Variants in EIF4G3 observed in about 807,000 individuals in gnomAD.
EIF4G3 encodes eIF-4-gamma 3.
EIF4G3 carries 34 observed loss-of-function variants against 186.4 expected under a neutral mutation model. The ratio of observed to expected loss-of-function variants is 0.18; its 90% CI spans 0.14 to 0.24. The LOEUF (loss-of-function observed/expected upper bound fraction) is 0.24, where lower values mean the gene tolerates loss of function less well. Among genes scored for constraint, EIF4G3 ranks in the 10% least tolerant of loss-of-function variants. The pLI is 1.00. For missense variants in EIF4G3, 1,536 were observed against 1,948.5 expected, an observed-to-expected ratio of 0.79 and a Z score of 3.99; for synonymous variants, 673 against 679.5, an observed-to-expected ratio of 0.99 and a Z score of 0.15.
chr1:21,084,595 A>G (rs1572290345), intron 3 of EIF4G3, among the ~76,000 whole-genome samples: 1 of 151,716 alleles, frequency 6.6e-6, no homozygotes, highest in African/African-American at 2.4e-5. Context: ...CTCAAATCCA[A>G]CCTCCCTCCA....
Position 21,117,736 on chromosome 1 carries a change from T to TAAAAAAAAAAAAAAAAAA in EIF4G3, c.-271-28541_-271-28524dup, listed in dbSNP as rs71014156. Reference sequence around the variant, plus strand: ...GGCCTTTCACTGTCCCAGTATATAGTAAAAAAAAAAAAAAAAAAAAAAAAA... The same window carrying TAAAAAAAAAAAAAAAAAA: ...GGCCTTTCACTGTCCCAGTATATAGTAAAAAAAAAAAAAAAAAAAAAAAAAAAAAAAAAAAAAAAAAAA... On this transcript the variant is annotated intron_variant, in intron 2 of 36. Transcript: ENST00000602326. Among the ~76,000 whole-genome samples, 95 of 73,072 alleles carry TAAAAAAAAAAAAAAAAAA rather than the reference T, an allele frequency of 1.3e-3. 2 individuals carry two copies. Among genetic ancestry groups the TAAAAAAAAAAAAAAAAAA allele is most frequent in the East Asian group, 1.7e-3 (3 of 1,754 alleles). 47.9% of individuals were successfully genotyped at this position (73,072 alleles called of 152,430 possible). A position where few individuals can be genotyped will look rare whatever the true frequency, so the allele number is the denominator to read the frequency against.
chr1:20,936,570 T>G (rs1168936991), intron 14 of EIF4G3, among the ~76,000 whole-genome samples: 1 of 152,234 alleles, frequency 6.6e-6, no homozygotes, highest in Admixed American at 6.5e-5. Context: ...TCAAATATAT[T>G]TTAGAATATG....
intron 7 of EIF4G3, among the ~76,000 whole-genome samples, chr1:20,983,180 C>A (rs2078674424): frequency 1.3e-5 from 2 of 152,024 alleles, no homozygotes; most frequent in Admixed American, 1.3e-4. Flanking sequence ...AGCCTTCCTA[C>A]CCCATGGCAA....
chr1:20,819,429 T>TA (rs1304602048), intron 33 of EIF4G3, among the ~76,000 whole-genome samples: 1 of 149,536 alleles, frequency 6.7e-6, no homozygotes, highest in African/African-American at 2.5e-5. Flanking sequence ...TTTTTTCTTT[T>TA]AAACTGAAGT....
intron 2 of EIF4G3, among the ~76,000 whole-genome samples, chr1:21,137,693 C>T (rs923907673): frequency 3.3e-5 from 5 of 151,452 alleles, no homozygotes. Flanking sequence ...TGGTGGTACA[C>T]ACTTGTACTC....
chr1:21,143,785 G>T (rs879377941), intron 2 of EIF4G3, among the ~76,000 whole-genome samples: 1 of 152,170 alleles, frequency 6.6e-6, no homozygotes, highest in Non-Finnish European at 1.5e-5. Context: ...ACCTGGGTGT[G>T]GTGGCATGTG....
At chr1:21,150,102 G>C (rs2097526730) in intron 2 of EIF4G3, among the ~76,000 whole-genome samples, 1 of 152,166 alleles carries the variant, frequency 6.6e-6, no homozygotes, top group African/African-American at 2.4e-5. Flanking sequence ...AGAATCCTGA[G>C]CCAGGACATT....
chr1:21,015,756 G>GA (rs71569803), intron 4 of EIF4G3, among the ~76,000 whole-genome samples: 115,349 of 132,144 alleles, frequency 0.87, 50,203 homozygotes, highest in Non-Finnish European at 0.9. Flanking sequence ...TGAAAGGAAA[G>GA]AAAAAAAAAA....
intron 18 of EIF4G3, among the ~76,000 whole-genome samples, chr1:20,889,485 A>G (rs1036830206): frequency 3.3e-5 from 5 of 152,142 alleles, no homozygotes; most frequent in Admixed American, 3.3e-4. Context: ...CACAACTGAT[A>G]AGTAATTTTA....
intron 2 of EIF4G3, among the ~76,000 whole-genome samples, chr1:21,134,890 A>G (rs1296793884): frequency 1.3e-5 from 2 of 150,880 alleles, no homozygotes; most frequent in Non-Finnish European, 3.0e-5. Flanking sequence ...TTTTTGTTTT[A>G]TTCTCTAACA....
rs534271599 is a variant in EIF4G3, at chr1:20,844,060, T to C, written c.3889-3032A>G. 2.6e-5 allele frequency among the ~76,000 whole-genome samples: 4 copies of C among 152,360 alleles called. No individual in the cohort carries two copies. In the South Asian group the frequency reaches 8.3e-4, roughly 32 times the overall value. On this transcript the variant is annotated intron_variant, in intron 29 of 36. Transcript: ENST00000602326. The stretch of plus-strand genomic sequence containing the variant: ...TTTTCTTTATCCACTCTATCGTTGA[T>C]GGGCATTTAGGTTGATTGCATGTTT...
chr1:21,125,845 A>C (rs1024666085), intron 2 of EIF4G3, among the ~76,000 whole-genome samples: 19 of 151,560 alleles, frequency 1.3e-4, no homozygotes, highest in Non-Finnish European at 1.0e-4. Context: ...TGTTCTATGC[A>C]CATTAATTCA....
At chr1:21,082,218 C>G (rs1572246308) in intron 3 of EIF4G3, among the ~76,000 whole-genome samples, 1 of 149,918 alleles carries the variant, frequency 6.7e-6, no homozygotes, top group Admixed American at 6.7e-5. Flanking sequence ...AATTTTGAGA[C>G]TGGCCAGGAG....
intron 4 of EIF4G3, among the ~76,000 whole-genome samples, chr1:21,004,359 T>C (rs552934198): frequency 4.0e-4 from 61 of 152,326 alleles, no homozygotes; most frequent in African/African-American, 1.5e-3. Context: ...TAATATACTG[T>C]GTGCTACTGA....
chr1:21,130,553 G>T (rs1049944692), intron 2 of EIF4G3, among the ~76,000 whole-genome samples: 1 of 152,004 alleles, frequency 6.6e-6, no homozygotes. Flanking sequence ...TCACGGTAAA[G>T]GCCTGAAGGA....
chr1:20,965,052 A>C (rs1481836023), intron 12 of EIF4G3, among the ~76,000 whole-genome samples: 2 of 152,050 alleles, frequency 1.3e-5, no homozygotes, highest in African/African-American at 4.8e-5. Context: ...GGAAGTAGTA[A>C]ATTTTTTTCT....
chr1:21,117,763 T>TAAAAAAAAAAAAAA (rs757506833), intron 2 of EIF4G3, among the ~76,000 whole-genome samples: 121 of 107,308 alleles, frequency 1.1e-3, no homozygotes, highest in Middle Eastern at 5.2e-3. Flanking sequence ...AAAAAAAAAT[T>TAAAAAAAAAAAAAA]AAAAGCAGAA....
chr1:21,073,757 T>A (rs1286550294), intron 3 of EIF4G3: 1 of 454,720 alleles, frequency 2.2e-6, no homozygotes, highest in Non-Finnish European at 4.4e-6. Context: ...GATGGTATTG[T>A]CACATGCTGG....
chr1:20,978,136 C>G (rs1250804467), intron 10 of EIF4G3, among the ~76,000 whole-genome samples: 1 of 152,056 alleles, frequency 6.6e-6, no homozygotes, highest in Non-Finnish European at 1.5e-5. Context: ...CATTGTTACT[C>G]TCAAAAATAA....
Sources: gnomAD v4.1 joint callset for allele counts (sites outside exome capture counted in the v4.1 genomes callset) on GRCh38, gnomAD v4.1.1 for gene constraint, MANE v1.5 for transcripts, NCBI Gene and HGNC (gene_info 2026-07-23, HGNC 2026-07-21) for gene names.